Variants in SCUBE1 observed in about 807,000 individuals in gnomAD.
The protein encoded by SCUBE1 is signal peptide, CUB domain and EGF like domain containing 1.
Under a neutral mutation model 124.4 loss-of-function variants are expected in SCUBE1, and 59 were observed. That is an observed-to-expected ratio of 0.47 (90% CI 0.38 to 0.59). The LOEUF (loss-of-function observed/expected upper bound fraction) is 0.59. SCUBE1 is among the 20% of genes least tolerant of loss of function. The pLI is 0.00. For missense variants in SCUBE1, 1,150 were observed against 1,371.2 expected (o/e 0.84, Z 2.55); for synonymous variants, 545 against 550.9 (o/e 0.99, Z 0.15).
intron 2 of SCUBE1, 60 bp from the exon 3 acceptor site, chr22:43,320,125 C>A: frequency 6.2e-7 from 1 of 1,603,838 alleles, no homozygotes; most frequent in Non-Finnish European, 8.5e-7. Flanking sequence ...CCTCTCCCAA[C>A]ACCATGGAAG....
intron 3 of SCUBE1, among the ~76,000 whole-genome samples, chr22:43,316,516 C>T (rs985319487): frequency 6.6e-6 from 1 of 152,332 alleles, no homozygotes; most frequent in East Asian, 1.9e-4. Flanking sequence ...AGATACTTCA[C>T]CTGGCATCTG....
intron 2 of SCUBE1, among the ~76,000 whole-genome samples, chr22:43,325,739 A>G (rs375123526): frequency 5.9e-5 from 9 of 152,064 alleles, no homozygotes; most frequent in African/African-American, 2.2e-4. Flanking sequence ...TGAAAACTCA[A>G]TTCCCAACAG....
intron 5 of SCUBE1, among the ~76,000 whole-genome samples, chr22:43,259,215 G>A (rs1481823476): frequency 6.6e-6 from 1 of 152,210 alleles, no homozygotes; most frequent in Non-Finnish European, 1.5e-5. Flanking sequence ...GTGCTCCCCA[G>A]GGGGTGCAGG....
At chr22:43,288,615 C>A (rs1407565895) in intron 4 of SCUBE1, among the ~76,000 whole-genome samples, 1 of 152,240 alleles carries the variant, frequency 6.6e-6, no homozygotes, top group Admixed American at 6.5e-5. Context: ...ACAAGCTTCC[C>A]ACCTGGCTTT....
intron 4 of SCUBE1, among the ~76,000 whole-genome samples, chr22:43,280,775 TCCTGTCATCTCCTCCTCAGCTAC>T (rs1423557449): frequency 4.4e-4 from 59 of 132,610 alleles, no homozygotes; most frequent in Non-Finnish European, 8.1e-4. Context: ...TTGGCCACCC[TCCTGTCATCTCCTCCTCAGCTAC>T]CCTGTCACCT....
At position 43,343,304 on chromosome 22, in the gene SCUBE1, G is replaced by C. The variant is rs1212681156; in HGVS notation, c.-43C>G. On this transcript the variant is annotated 5_prime_UTR_variant, in exon 1 of 22. Transcript: ENST00000360835. ...CTGGGCGTGCGGGCGTGCGGGGCGC[G>C]GGGACCCGACCGACCGGCCGCTCCC... The C allele has an allele frequency of 3.0e-6, 3 of 987,158 alleles. No homozygotes were observed. The highest frequency in any genetic ancestry group is 5.4e-5 in the Admixed American group (1 of 18,598). The allele number at this position is 987,158 out of a possible 1,614,324, so 61.1% of individuals were successfully genotyped here.
intron 3 of SCUBE1, among the ~76,000 whole-genome samples, chr22:43,314,547 G>A (rs891324545): frequency 1.3e-5 from 2 of 152,052 alleles, no homozygotes; most frequent in African/African-American, 4.8e-5. Flanking sequence ...TGGAACACAC[G>A]CCTACCACTC....
At chr22:43,325,482 CA>C (rs1926696345) in intron 2 of SCUBE1, among the ~76,000 whole-genome samples, 2 of 149,258 alleles carry the variant, frequency 1.3e-5, no homozygotes, top group Admixed American at 6.7e-5. Flanking sequence ...TTTCATGCTC[CA>C]AAAAGTCATT....
chr22:43,308,766 C>G (rs1233030300), intron 3 of SCUBE1, among the ~76,000 whole-genome samples: 1 of 152,250 alleles, frequency 6.6e-6, no homozygotes, highest in Non-Finnish European at 1.5e-5. Context: ...GCCCCTCCTA[C>G]TCCTCCTTTT....
rs760536824 is a variant in SCUBE1 at position 43,238,681 on chromosome 22, C to T, written c.844+157G>A. On this transcript the variant is annotated intron_variant, in intron 7 of 21. Transcript: ENST00000360835. ...GCTGGCCAGCCCTCCCTCTTCCTGG[C>T]CTCTCCAACAGCAAAGCAAATGATT... is the stretch of plus-strand genomic sequence containing the variant. 3.7e-5 allele frequency: 27 copies of T among 720,988 alleles called. No individual in the cohort carries two copies. The African/African-American group carries it at 4.5e-4, about 12-fold the overall frequency. 44.7% of individuals were successfully genotyped at this position (720,988 alleles called of 1,614,324 possible).
intron 2 of SCUBE1, among the ~76,000 whole-genome samples, chr22:43,321,148 T>C (rs372993139): frequency 1.3e-3 from 193 of 152,276 alleles, no homozygotes; most frequent in African/African-American, 4.5e-3. Flanking sequence ...GAAGTGCATC[T>C]CACGAGACGA....
At chr22:43,330,562 C>T (rs1008639231) in intron 2 of SCUBE1, among the ~76,000 whole-genome samples, 7 of 152,234 alleles carry the variant, frequency 4.6e-5, no homozygotes, top group African/African-American at 1.7e-4. Flanking sequence ...CAGCACCAAG[C>T]TTGACACAGA....
chr22:43,214,018 G>C (rs1458570151), intron 16 of SCUBE1, 72 bp downstream of exon 16: 3 of 1,270,764 alleles, frequency 2.4e-6, no homozygotes, highest in African/African-American at 2.9e-5. Flanking sequence ...TTCGACAGGA[G>C]GGCCTCATCA....
intron 12 of SCUBE1, 111 bp downstream of exon 12, chr22:43,222,527 G>T: frequency 2.4e-6 from 2 of 826,350 alleles, no homozygotes; most frequent in Non-Finnish European, 1.9e-6. Context: ...GAGCAGGGCC[G>T]AGAGCAGGAA....
chr22:43,216,337 A>G (rs1450104454), intron 15 of SCUBE1, among the ~76,000 whole-genome samples: 2 of 148,428 alleles, frequency 1.3e-5, no homozygotes, highest in Non-Finnish European at 3.0e-5. Context: ...GTGAGCTACC[A>G]TGCCCGGCCC....
At chr22:43,219,513 C>T (rs1253694322) in intron 14 of SCUBE1, among the ~76,000 whole-genome samples, 4 of 149,308 alleles carry the variant, frequency 2.7e-5, no homozygotes, top group Admixed American at 1.3e-4. Flanking sequence ...TCTCACTCGT[C>T]GCCAGGCTGG....
chr22:43,255,292 G>A lies in SCUBE1; in HGVS notation c.727+2927C>T, dbSNP rs1042705947. Among the ~76,000 whole-genome samples the A allele has an allele frequency of 3.3e-5, 5 of 152,028 alleles. No homozygotes were observed. In the South Asian group the frequency reaches 6.2e-4, roughly 19 times the overall value. On this transcript the variant is annotated intron_variant, in intron 6 of 21. Transcript: ENST00000360835. The surrounding 1 kb of genome is among the most constrained non-coding windows in gnomAD (Gnocchi z 4.7). Reference sequence around the variant, plus strand: ...GTTCACACCTGGAGTGGAGCCCCCCGCACTCACACGACACGCAGGACTGCA... The same window carrying A: ...GTTCACACCTGGAGTGGAGCCCCCCACACTCACACGACACGCAGGACTGCA...
At position 43,302,383 on chromosome 22, in the gene SCUBE1, C is replaced by T. The variant is rs551334099; in HGVS notation, c.350-11203G>A. Among the ~76,000 whole-genome samples the T allele has an allele frequency of 1.1e-4, 16 of 152,284 alleles. No individual in the cohort carries two copies. In the East Asian group the frequency reaches 2.5e-3, roughly 24 times the overall value. ...TTCAGGAAGTGAGTGGAGAGGGAAG[C>T]GGTCTGGAGACACAGTGGGATCCCC... is the stretch of plus-strand genomic sequence containing the variant. On this transcript the variant is annotated intron_variant, in intron 3 of 21. Coordinates refer to ENST00000360835, the MANE Select transcript of SCUBE1 (RefSeq NM_173050.5).
chr22:43,203,364 A>G lies in SCUBE1; in HGVS notation c.*633T>C, dbSNP rs1921084411. 2 of 147,916 alleles carry G rather than the reference A, an allele frequency of 1.4e-5. No individual in the cohort carries two copies. The highest frequency in any genetic ancestry group is 3.0e-5 in the Non-Finnish European group (2 of 67,014). The allele number at this position is 147,916 out of a possible 1,614,324, so 9.2% of individuals were successfully genotyped here. On this transcript the variant is annotated 3_prime_UTR_variant, in exon 22 of 22. Transcript: ENST00000360835. ...CTAAAGTACCCACAAATAGAAGTAT[A>G]TATATATATTTATATATATATTTAT... is the stretch of plus-strand genomic sequence containing the variant.
Sources: gnomAD v4.1 joint callset for allele counts (sites outside exome capture counted in the v4.1 genomes callset) on GRCh38, gnomAD v4.1.1 for gene constraint, Gnocchi (gnomAD v3.1) non-coding constraint, MANE v1.5 for transcripts, NCBI Gene and HGNC (gene_info 2026-07-23, HGNC 2026-07-21) for gene names.